The following STRN3 variants were observed in gnomAD, a reference collection of about 807,000 sequenced individuals.
The protein encoded by STRN3 is striatin 3.
STRN3 carries 29 observed loss-of-function variants against 95.6 expected under a neutral mutation model. The observed-to-expected ratio is 0.30, with a 90% CI of 0.23 to 0.41. The LOEUF (loss-of-function observed/expected upper bound fraction) is 0.41, where lower values mean the gene tolerates loss of function less well. STRN3 is among the 10% of genes least tolerant of loss of function. The pLI is 1.00. For synonymous variants in STRN3, 331 were observed against 357.6 expected, an observed-to-expected ratio of 0.93 and a Z score of 0.84; for missense variants, 890 against 972.1, an observed-to-expected ratio of 0.92 and a Z score of 1.12.
intron 1 of STRN3, among the ~76,000 whole-genome samples, chr14:30,995,845 G>A (rs1200786790): frequency 6.6e-6 from 1 of 152,216 alleles, no homozygotes; most frequent in African/African-American, 2.4e-5. Flanking sequence ...TTTCAGGAAT[G>A]AAGGATTTAT....
Position 30,990,411 on chromosome 14 carries a change from G to A in STRN3, c.283-34169C>T, listed in dbSNP as rs530483342. Among the ~76,000 whole-genome samples the A allele has an allele frequency of 4.7e-3, 710 of 151,316 alleles. 4 individuals carry two copies. The highest frequency in any genetic ancestry group is 0.016 in the African/African-American group (667 of 41,002). On this transcript the variant is annotated intron_variant, in intron 1 of 17. Coordinates refer to ENST00000357479, the MANE Select transcript of STRN3 (RefSeq NM_001083893.2). ...TCTCGATCTCCTGATCTCATGATCC[G>A]CCCGCCTCAGACTCCCAAAGTGCTG...
intron 16 of STRN3, 76 bp from the exon 17 acceptor site, chr14:30,895,824 A>G (rs1896130290): frequency 1.6e-6 from 2 of 1,271,522 alleles, no homozygotes; most frequent in Admixed American, 4.9e-5. Flanking sequence ...ACAATATAGC[A>G]TCAACATAAA....
At position 30,963,533 on chromosome 14, in the gene STRN3, C is replaced by T. The variant is rs565872650; in HGVS notation, c.283-7291G>A. Among the ~76,000 whole-genome samples the T allele has an allele frequency of 3.4e-3, 513 of 152,234 alleles. 1 individual carries two copies. Among genetic ancestry groups the T allele is most frequent in the Non-Finnish European group, 5.0e-3 (339 of 68,010 alleles). Reference sequence around the variant, plus strand: ...AAGTGATTCTCCTGCCTCAGCCTCCCGAGTAGCTGGGACTACAGGCACACG... The same window carrying T: ...AAGTGATTCTCCTGCCTCAGCCTCCTGAGTAGCTGGGACTACAGGCACACG... On this transcript the variant is annotated intron_variant, in intron 1 of 17. Transcript: ENST00000357479.
chr14:31,013,880 T>TATTATTATTATTATTTGAGACAGAGTGTC (rs1883097901), intron 1 of STRN3, among the ~76,000 whole-genome samples: 1 of 95,346 alleles, frequency 1.0e-5, no homozygotes, highest in Non-Finnish European at 2.3e-5. Flanking sequence ...TTATTATTAT[T>TATTATTATTATTATTTGAGACAGAGTGTC]ATTATTATTA....
chr14:30,898,446 T>C (rs1000798753), intron 16 of STRN3, among the ~76,000 whole-genome samples: 3 of 152,224 alleles, frequency 2.0e-5, no homozygotes, highest in African/African-American at 7.2e-5. Context: ...CTCTCCAGCC[T>C]GTGCACTAAA....
rs117429379 is a variant in STRN3, at chr14:30,904,593, T to C, written c.2029+825A>G. On this transcript the variant is annotated intron_variant, in intron 15 of 17. Coordinates refer to ENST00000357479, the MANE Select transcript of STRN3 (RefSeq NM_001083893.2). ...AAATTGTTGATAAAGAGATGTTCTT[T>C]TTTATAGGAATAATCTAGCTAATAA... is the stretch of plus-strand genomic sequence containing the variant. Among the ~76,000 whole-genome samples the C allele has an allele frequency of 1.5e-3, 221 of 152,308 alleles. 1 individual carries two copies. The East Asian group carries it at 0.023, about 16-fold the overall frequency.
intron 8 of STRN3, among the ~76,000 whole-genome samples, chr14:30,924,767 T>C (rs1192918942): frequency 6.6e-6 from 1 of 152,118 alleles, no homozygotes; most frequent in East Asian, 1.9e-4. Context: ...GAAAGATTGC[T>C]TGAGCTCAGG....
At chr14:30,978,289 A>G (rs1285959259) in intron 1 of STRN3, among the ~76,000 whole-genome samples, 20 of 152,196 alleles carry the variant, frequency 1.3e-4, no homozygotes, top group Non-Finnish European at 5.9e-5. Context: ...CCAACAAAGT[A>G]GGATTTATTC....
chr14:30,984,146 CA>C (rs201628262), intron 1 of STRN3, among the ~76,000 whole-genome samples: 2,840 of 137,418 alleles, frequency 0.021, 76 homozygotes, highest in African/African-American at 0.026. Context: ...AACCCCCCCC[CA>C]CACACAAAGG....
chr14:31,026,194 G>C lies in STRN3; in HGVS notation c.-9C>G, dbSNP rs1487633443. The C allele has an allele frequency of 2.8e-6, 4 of 1,425,122 alleles. No individual in the cohort carries two copies. Among genetic ancestry groups the C allele is most frequent in the Non-Finnish European group, 9.1e-7 (1 of 1,100,030 alleles). The allele number at this position is 1,425,122 out of a possible 1,614,324, so 88.3% of individuals were successfully genotyped here. On this transcript the variant is annotated 5_prime_UTR_variant, in exon 1 of 18. Transcript: ENST00000357479. ...CCGGCAAGCTCGTCCATTGTGTGTGGGGCCCCGGCCGGGGCGCAGGGCGAG... is the reference window on the plus strand; with the variant it reads ...CCGGCAAGCTCGTCCATTGTGTGTGCGGCCCCGGCCGGGGCGCAGGGCGAG...
intron 1 of STRN3, among the ~76,000 whole-genome samples, chr14:30,991,169 T>C (rs1046032542): frequency 5.9e-5 from 9 of 152,202 alleles, no homozygotes; most frequent in African/African-American, 2.2e-4. Flanking sequence ...TTGAAGTTCC[T>C]ACTATTAAGA....
chr14:30,960,349 G>A (rs191622625), intron 1 of STRN3, among the ~76,000 whole-genome samples: 126 of 152,030 alleles, frequency 8.3e-4, no homozygotes, highest in Non-Finnish European at 1.5e-3. Flanking sequence ...AAAGAATGAG[G>A]TGATAGAATT....
At chr14:31,018,090 A>AC (rs1384322604) in intron 1 of STRN3, among the ~76,000 whole-genome samples, 9 of 151,670 alleles carry the variant, frequency 5.9e-5, no homozygotes, top group African/African-American at 2.2e-4. Context: ...ATTTAAAAAA[A>AC]AAAAAAAAGG....
chr14:30,998,395 T>C lies in STRN3; in HGVS notation c.282+27509A>G, dbSNP rs1015629265. On this transcript the variant is annotated intron_variant, in intron 1 of 17. Transcript: ENST00000357479. Reference sequence around the variant, plus strand: ...GGAAATGAGATGTATGCAGGGGACTTTGAAAAACTCTGACATATTCCTGAG... The same window carrying C: ...GGAAATGAGATGTATGCAGGGGACTCTGAAAAACTCTGACATATTCCTGAG... 3.9e-5 allele frequency among the ~76,000 whole-genome samples: 6 copies of C among 152,312 alleles called. No individual in the cohort carries two copies. In the East Asian group the frequency reaches 1.2e-3, roughly 29 times the overall value.
At chr14:30,966,451 T>C (rs1880513031) in intron 1 of STRN3, among the ~76,000 whole-genome samples, 1 of 152,138 alleles carries the variant, frequency 6.6e-6, no homozygotes. Context: ...TGTTTCTCTC[T>C]CGTGAGGAGG....
intron 5 of STRN3, among the ~76,000 whole-genome samples, chr14:30,945,578 C>G (rs1161761109): frequency 6.6e-6 from 1 of 151,958 alleles, no homozygotes; most frequent in Non-Finnish European, 1.5e-5. Flanking sequence ...TGTACTCCAG[C>G]CTGGGAAATG....
At chr14:30,898,922 G>C (rs1472163438) in intron 16 of STRN3, among the ~76,000 whole-genome samples, 1 of 152,176 alleles carries the variant, frequency 6.6e-6, no homozygotes, top group Non-Finnish European at 1.5e-5. Flanking sequence ...CAAACTGTGT[G>C]AGTTTAAATA....
At chr14:30,973,818 T>C (rs1245504237) in intron 1 of STRN3, among the ~76,000 whole-genome samples, 3 of 152,160 alleles carry the variant, frequency 2.0e-5, no homozygotes, top group African/African-American at 7.2e-5. Context: ...TAATTCAACA[T>C]ATGAAAATCA....
intron 1 of STRN3, among the ~76,000 whole-genome samples, chr14:31,012,460 AGACT>A (rs1883012275): frequency 1.3e-5 from 2 of 152,366 alleles, no homozygotes; most frequent in Admixed American, 6.5e-5. Context: ...TGAGGCAGCA[AGACT>A]GACTGCTCAC....
Sources: gnomAD v4.1 joint callset for allele counts (sites outside exome capture counted in the v4.1 genomes callset) on GRCh38, gnomAD v4.1.1 for gene constraint, MANE v1.5 for transcripts, NCBI Gene and HGNC (gene_info 2026-07-23, HGNC 2026-07-21) for gene names.